The following TENM2 variants were observed in gnomAD, a reference collection of about 807,000 sequenced individuals.
TENM2 encodes the protein teneurin-2.
A neutral mutation model predicts 245.2 loss-of-function variants in TENM2; 52 were observed. The observed-to-expected ratio is 0.21, with a 90% CI of 0.17 to 0.27. The LOEUF is 0.27. Ranked by LOEUF, TENM2 falls within the 10% of genes least tolerant of loss-of-function variation. The probability of loss-of-function intolerance (pLI) is 1.00; values close to 1 mark genes in which losing one functional copy is unlikely to be tolerated. For synonymous variants in TENM2, 1,363 were observed against 1,438.9 expected, an observed-to-expected ratio of 0.95 and a Z score of 1.19; for missense variants, 3,046 against 3,666.8, an observed-to-expected ratio of 0.83 and a Z score of 4.37.
intron 2 of TENM2, among the ~76,000 whole-genome samples, chr5:167,814,065 A>G (rs1478407841): frequency 6.6e-6 from 1 of 152,142 alleles, no homozygotes; most frequent in Non-Finnish European, 1.5e-5. Flanking sequence ...GCTCAAGGCT[A>G]GTTCAATGAA....
Position 167,889,257 on chromosome 5 carries a change from C to T in TENM2, c.712+13062C>T, listed in dbSNP as rs115499921. ...CTTAGAATTTACAAAGATGCCTTTG[C>T]GTAAGTTATAACCTTGCAAACCTCT... On this transcript the variant is annotated intron_variant, in intron 3 of 28. Transcript: ENST00000518659. Among the ~76,000 whole-genome samples the T allele has an allele frequency of 8.4e-3, 1,274 of 152,158 alleles. 17 individuals are homozygous for T. The highest frequency in any genetic ancestry group is 0.029 in the African/African-American group (1,195 of 41,498).
intron 2 of TENM2, among the ~76,000 whole-genome samples, chr5:167,545,305 C>T (rs1184846286): frequency 6.6e-6 from 1 of 152,130 alleles, no homozygotes; most frequent in Non-Finnish European, 1.5e-5. Flanking sequence ...CATATTTGTA[C>T]ACAGTTTTCT....
chr5:167,598,424 G>A (rs897951581), intron 2 of TENM2, among the ~76,000 whole-genome samples: 2 of 152,148 alleles, frequency 1.3e-5, no homozygotes, highest in Non-Finnish European at 2.9e-5. Context: ...GAAATCTCAA[G>A]GGGGACTATG....
the TENM2 span, among the ~76,000 whole-genome samples, chr5:167,206,376 A>G: frequency 6.9e-4 from 105 of 152,290 alleles, 1 homozygote; most frequent in East Asian, 0.019. Context: ...AGGAACAGTG[A>G]GCTATTAGTT....
intron 2 of TENM2, among the ~76,000 whole-genome samples, chr5:167,723,884 G>A (rs1445113120): frequency 6.6e-6 from 1 of 152,176 alleles, no homozygotes; most frequent in African/African-American, 2.4e-5. Flanking sequence ...AATGGGATTT[G>A]CACTCTGCTA....
At chr5:167,798,519 C>G (rs1186303202) in intron 2 of TENM2, among the ~76,000 whole-genome samples, 1 of 152,172 alleles carries the variant, frequency 6.6e-6, no homozygotes, top group East Asian at 1.9e-4. Flanking sequence ...CCAGGGTAGA[C>G]TGAAGAGGGG....
intron 2 of TENM2, among the ~76,000 whole-genome samples, chr5:167,610,021 A>G (rs774082051): frequency 8.5e-5 from 13 of 152,158 alleles, no homozygotes; most frequent in Non-Finnish European, 1.5e-4. Flanking sequence ...TTGATCGGCT[A>G]TAAATCAGGA....
At chr5:167,692,965 A>G (rs1370435838) in intron 2 of TENM2, among the ~76,000 whole-genome samples, 1 of 152,172 alleles carries the variant, frequency 6.6e-6, no homozygotes, top group Non-Finnish European at 1.5e-5. Context: ...AGTAGGGAGT[A>G]ACAACTGAGA....
At chr5:166,999,967 A>G in the TENM2 span, among the ~76,000 whole-genome samples, 1 of 152,134 alleles carries the variant, frequency 6.6e-6, no homozygotes, top group Non-Finnish European at 1.5e-5. Context: ...GGAAAGATTG[A>G]AAAGTGCCAA....
intron 2 of TENM2, among the ~76,000 whole-genome samples, chr5:167,816,086 A>G (rs1583082181): frequency 6.6e-6 from 1 of 152,152 alleles, no homozygotes; most frequent in African/African-American, 2.4e-5. Context: ...CAGGGAAACA[A>G]TAGAGAAACC....
chr5:167,468,636 T>C (rs1171942802), intron 2 of TENM2, among the ~76,000 whole-genome samples: 2 of 152,232 alleles, frequency 1.3e-5, no homozygotes. Context: ...TTGTGTTTAA[T>C]TCTATTCTAA....
chr5:167,968,033 C>A (rs1224078555), intron 4 of TENM2, among the ~76,000 whole-genome samples: 2 of 152,132 alleles, frequency 1.3e-5, no homozygotes, highest in Non-Finnish European at 2.9e-5. Flanking sequence ...TCTGAAGGCA[C>A]CTTTGATTTA....
chr5:167,744,983 G>T (rs1459146612), intron 2 of TENM2, among the ~76,000 whole-genome samples: 4 of 152,094 alleles, frequency 2.6e-5, no homozygotes. Context: ...GTCTCCATGT[G>T]ACACTGAGCA....
chr5:167,067,360 T>G, the TENM2 span, among the ~76,000 whole-genome samples: 2 of 152,202 alleles, frequency 1.3e-5, no homozygotes, highest in African/African-American at 2.4e-5. Flanking sequence ...ATCCTGCATT[T>G]GAATGTTGAA....
chr5:168,141,230 T>C (rs528760015), intron 12 of TENM2, among the ~76,000 whole-genome samples: 2 of 152,286 alleles, frequency 1.3e-5, no homozygotes, highest in South Asian at 2.1e-4. Context: ...CTGCATTTTC[T>C]AGATTGCCTT....
At chr5:167,566,472 A>G (rs1288679703) in intron 2 of TENM2, among the ~76,000 whole-genome samples, 1 of 152,196 alleles carries the variant, frequency 6.6e-6, no homozygotes, top group East Asian at 1.9e-4. Context: ...CAACCAGATT[A>G]TTGTAAAACA....
chr5:167,118,842 G>A, the TENM2 span, among the ~76,000 whole-genome samples: 2,118 of 152,186 alleles, frequency 0.014, 20 homozygotes, highest in Non-Finnish European at 0.022. Context: ...GTGAGTCCTC[G>A]TCCATCCCCT....
At chr5:167,208,704 G>A in the TENM2 span, among the ~76,000 whole-genome samples, 1 of 152,280 alleles carries the variant, frequency 6.6e-6, no homozygotes, top group African/African-American at 2.4e-5. Context: ...TTCTTAAGAC[G>A]ATGTCATTTA....
chr5:167,007,461 A>G, the TENM2 span, among the ~76,000 whole-genome samples: 1 of 152,218 alleles, frequency 6.6e-6, no homozygotes, highest in East Asian at 1.9e-4. This position sits in a 1 kb window ranked among gnomAD's most constrained non-coding sequence, Gnocchi z 4.2. Context: ...GGCCAAGCAA[A>G]AGTACAAAAG....
Sources: allele counts gnomAD v4.1 joint callset (sites outside exome capture counted in the v4.1 genomes callset), GRCh38; gene constraint gnomAD v4.1.1; non-coding constraint Gnocchi (gnomAD v3.1); transcripts MANE v1.5; gene names NCBI Gene and HGNC (gene_info 2026-07-23, HGNC 2026-07-21).